Variants in ELAPOR2 observed in about 807,000 individuals in gnomAD.
ELAPOR2 encodes endosome-lysosome associated apoptosis and autophagy regulator family member 2, also known as endosome/lysosome-associated apoptosis and autophagy regulator family member 2.
In ELAPOR2, 89 loss-of-function variants were observed where a neutral mutation model predicts 120.7. The observed-to-expected ratio is 0.74, with a 90% CI of 0.62 to 0.88. The LOEUF is 0.88. Ranked by LOEUF, ELAPOR2 falls within the 40% of genes least tolerant of loss-of-function variation. The pLI is 0.00. For missense variants in ELAPOR2, 1,134 were observed against 1,251.6 expected (o/e 0.91, Z 1.42); for synonymous variants, 444 against 444.9 (o/e 1.00, Z 0.03).
intron 21 of ELAPOR2, among the ~76,000 whole-genome samples, chr7:86,888,919 T>C (rs147294837): frequency 6.6e-5 from 10 of 152,252 alleles, no homozygotes; most frequent in Non-Finnish European, 1.3e-4. Context: ...AGAGGCACCA[T>C]GTGTACCTCC....
At chr7:86,970,094 CT>C (rs942676429) in intron 1 of ELAPOR2, among the ~76,000 whole-genome samples, 6 of 152,136 alleles carry the variant, frequency 3.9e-5, no homozygotes, top group African/African-American at 1.4e-4. Flanking sequence ...GTCTTCTATA[CT>C]CAGATTAGCT....
At chr7:86,894,465 G>A (rs1214731148) in intron 19 of ELAPOR2, among the ~76,000 whole-genome samples, 1 of 151,864 alleles carries the variant, frequency 6.6e-6, no homozygotes, top group African/African-American at 2.4e-5. Flanking sequence ...TCTTTGATAT[G>A]GTTTTATCAA....
In ELAPOR2 at chr7:86,913,077, G is replaced by A. The variant is rs375062890; in HGVS notation, c.1859C>T (p.Pro620Leu). The A allele has an allele frequency of 1.2e-6, 2 of 1,613,932 alleles. No homozygotes were observed. The highest frequency in any genetic ancestry group is 1.3e-5 in the African/African-American group (1 of 74,914). ...GSEQSGSSCV[P>L]CPPGHYIEKE... ...CTCAATGTAGTGGCCTGGAGGGCAGGGGACACACGATGAACCCGACTGTTC... is the reference window on the plus strand; with the variant it reads ...CTCAATGTAGTGGCCTGGAGGGCAGAGGACACACGATGAACCCGACTGTTC... The change falls in exon 14 of 22, where the codon CCC becomes CTC. Residue 620 changes from proline (P) to leucine (L), a missense_variant. Pro to Leu is a moderately conservative substitution (Grantham distance 98). Transcript: ENST00000450689.
At chr7:86,945,915 G>T (rs1461685899) in intron 3 of ELAPOR2, among the ~76,000 whole-genome samples, 1 of 151,920 alleles carries the variant, frequency 6.6e-6, no homozygotes. Flanking sequence ...ACATGGAGAC[G>T]TGTGTATGTG....
rs1240597065 is a variant in ELAPOR2 at position 86,879,278 on chromosome 7, T to G, written c.*1193A>C. On this transcript the variant is annotated 3_prime_UTR_variant, in exon 22 of 22. Coordinates refer to ENST00000450689, the MANE Select transcript of ELAPOR2 (RefSeq NM_001142749.3). ...TCAACAAATAATATCCAAGTCGTGCTAATACCAGTAGCCCACCATAGAAAA... is the reference window on the plus strand; with the variant it reads ...TCAACAAATAATATCCAAGTCGTGCGAATACCAGTAGCCCACCATAGAAAA... 2 of 152,204 alleles carry G rather than the reference T, an allele frequency of 1.3e-5. No homozygotes were observed. Among genetic ancestry groups the G allele is most frequent in the Non-Finnish European group, 2.9e-5 (2 of 68,034 alleles). 9.4% of individuals were successfully genotyped at this position (152,204 alleles called of 1,614,324 possible). A position where few individuals can be genotyped will look rare whatever the true frequency, so the allele number is the denominator to read the frequency against.
rs780123811 is a variant in ELAPOR2 at position 86,893,071 on chromosome 7, T to C, written c.2715A>G (p.Lys905=). Residue 905 remains lysine, a synonymous_variant, in exon 20 of 22, where the codon AAA becomes AAG. Transcript: ENST00000450689. ...GCAAAGAAATTCCTTTAATGCACCATTTAGGTTCATTCCACACATACAAGG... is the reference window on the plus strand; with the variant it reads ...GCAAAGAAATTCCTTTAATGCACCACTTAGGTTCATTCCACACATACAAGG... The part of the protein sequence containing the change: ...QETLYVWNEP[K]WCIKGISLPE... 2.8e-5 allele frequency: 43 copies of C among 1,561,266 alleles called. No homozygotes were observed. The highest frequency in any genetic ancestry group is 3.5e-5 in the Non-Finnish European group (41 of 1,160,576).
intron 15 of ELAPOR2, among the ~76,000 whole-genome samples, chr7:86,910,471 A>G (rs867621812): frequency 6.6e-6 from 1 of 152,266 alleles, no homozygotes; most frequent in Middle Eastern, 3.4e-3. Context: ...AGAAAGCACA[A>G]AAGTCATACT....
chr7:87,044,890 T>G lies in ELAPOR2; in HGVS notation c.189+14435A>C, dbSNP rs983481294. 1.8e-3 allele frequency among the ~76,000 whole-genome samples: 262 copies of G among 148,006 alleles called. 1 individual carries two copies. Among genetic ancestry groups the G allele is most frequent in the Middle Eastern group, 6.8e-3 (2 of 294 alleles). On this transcript the variant is annotated intron_variant, in intron 1 of 21. Transcript: ENST00000450689. ...AAGGGCTAATATCCAGAATCTACAA[T>G]GAACTCAAACAAATCTACAAGAAAA...
At position 86,926,876 on chromosome 7, in the gene ELAPOR2, C is replaced by A; in HGVS notation, c.1130G>T (p.Arg377Leu). ...TCTAATAGCATCTGTGAGATCCTCC[C>A]GGCAGATTTTGGGCTCTATCCACTT... ...MYKWIEPKIC[R>L]EDLTDAIRLP... is the part of the protein sequence containing the mutation. Residue 377 changes from arginine to leucine, a missense_variant, in exon 9 of 22, where the codon CGG becomes CTG. Arg to Leu is a moderately radical substitution (Grantham distance 102). Coordinates refer to ENST00000450689, the MANE Select transcript of ELAPOR2 (RefSeq NM_001142749.3). The A allele has an allele frequency of 1.9e-6, 3 of 1,568,262 alleles. No homozygotes were observed. Among genetic ancestry groups the A allele is most frequent in the East Asian group, 2.3e-5 (1 of 43,158 alleles).
chr7:86,950,154 CA>C (rs1422334771), intron 2 of ELAPOR2, among the ~76,000 whole-genome samples: 1 of 152,200 alleles, frequency 6.6e-6, no homozygotes. Flanking sequence ...GTAGCTGAGA[CA>C]CCCTGCTTAT....
intron 1 of ELAPOR2, among the ~76,000 whole-genome samples, chr7:87,007,728 G>T (rs1793528717): frequency 6.6e-6 from 1 of 152,174 alleles, no homozygotes; most frequent in Admixed American, 6.6e-5. Flanking sequence ...GTAAAGAAGT[G>T]CTCAAAGAAT....
chr7:87,046,967 T>A (rs1023942099), intron 1 of ELAPOR2, among the ~76,000 whole-genome samples: 1 of 152,216 alleles, frequency 6.6e-6, no homozygotes, highest in African/African-American at 2.4e-5. Context: ...CAAAATAGCA[T>A]GATACTGTCA....
intron 10 of ELAPOR2, among the ~76,000 whole-genome samples, chr7:86,921,359 C>A (rs532289475): frequency 6.6e-6 from 1 of 152,132 alleles, no homozygotes; most frequent in East Asian, 1.9e-4. Flanking sequence ...TGTAGACACA[C>A]AGGGAGAGGA....
chr7:87,018,035 T>C (rs1793924497), intron 1 of ELAPOR2, among the ~76,000 whole-genome samples: 1 of 151,776 alleles, frequency 6.6e-6, no homozygotes, highest in Admixed American at 6.6e-5. Flanking sequence ...ACTTCTTTTG[T>C]TTTTGTTTTT....
intron 14 of ELAPOR2, 146 bp downstream of exon 14, chr7:86,912,795 G>T: frequency 1.1e-6 from 1 of 908,380 alleles, no homozygotes; most frequent in Non-Finnish European, 1.6e-6. Flanking sequence ...AACGCAAGAA[G>T]GGAGAAAACA....
At chr7:87,033,341 T>C (rs1584021099) in intron 1 of ELAPOR2, among the ~76,000 whole-genome samples, 1 of 152,314 alleles carries the variant, frequency 6.6e-6, no homozygotes, top group African/African-American at 2.4e-5. Context: ...AAATCGAAGA[T>C]AATTAACTGA....
At chr7:86,939,267 T>A (rs904820809) in intron 6 of ELAPOR2, among the ~76,000 whole-genome samples, 1 of 152,088 alleles carries the variant, frequency 6.6e-6, no homozygotes, top group Non-Finnish European at 1.5e-5. Context: ...TCCAATTCTA[T>A]AGGGCTATAA....
chr7:86,923,006 T>C (rs1319936782), intron 10 of ELAPOR2, among the ~76,000 whole-genome samples: 1 of 151,992 alleles, frequency 6.6e-6, no homozygotes, highest in Non-Finnish European at 1.5e-5. Flanking sequence ...CTCCAAGGAA[T>C]AGCCTTTTAA....
chr7:87,015,450 T>G (rs1211309977), intron 1 of ELAPOR2, among the ~76,000 whole-genome samples: 1 of 152,204 alleles, frequency 6.6e-6, no homozygotes, highest in South Asian at 2.1e-4. Flanking sequence ...ACAAAAATTA[T>G]AAAACCTTTT....
Sources: gnomAD v4.1 joint callset for allele counts (sites outside exome capture counted in the v4.1 genomes callset) on GRCh38, gnomAD v4.1.1 for gene constraint, MANE v1.5 for transcripts, NCBI Gene and HGNC (gene_info 2026-07-23, HGNC 2026-07-21) for gene names.